Variants in FAM193A observed in about 807,000 individuals in gnomAD.
FAM193A encodes the protein family with sequence similarity 193 member A.
FAM193A carries 22 observed loss-of-function variants against 126.5 expected under a neutral mutation model. The ratio of observed to expected loss-of-function variants is 0.17; its 90% confidence interval spans 0.12 to 0.25. The LOEUF (loss-of-function observed/expected upper bound fraction) is 0.25, where lower values mean the gene tolerates loss of function less well. Among genes scored for constraint, FAM193A ranks in the 10% least tolerant of loss-of-function variants. The pLI is 1.00. For synonymous variants in FAM193A, 761 were observed against 646.8 expected (o/e 1.18, Z -2.68); for missense variants, 1,675 against 1,672.8 (o/e 1.00, Z -0.02).
chr4:2,579,520 A>C (rs1220584753), intron 1 of FAM193A, among the ~76,000 whole-genome samples: 2 of 152,106 alleles, frequency 1.3e-5, no homozygotes, highest in Non-Finnish European at 2.9e-5. Flanking sequence ...CAACATAACA[A>C]GGTCCTTTCT....
At chr4:2,583,460 G>A (rs1445944195) in intron 1 of FAM193A, among the ~76,000 whole-genome samples, 1 of 152,026 alleles carries the variant, frequency 6.6e-6, no homozygotes, top group East Asian at 1.9e-4. Context: ...TTTTGTTTCT[G>A]AGTGGAGATT....
Position 2,699,436 on chromosome 4 carries a change from ACC to A in FAM193A, c.3508-234_3508-233del, listed in dbSNP as rs111815931. ...TATCGGGAATTTTTTGTTAACTACC[ACC>A]CCCCCCCCCACACACACACACACAA... is the stretch of plus-strand genomic sequence containing the variant. On this transcript the variant is annotated intron_variant, in intron 18 of 20. Coordinates refer to ENST00000637812, the MANE Select transcript of FAM193A (RefSeq NM_001366318.2). 1.0e-3 allele frequency among the ~76,000 whole-genome samples: 64 copies of A among 61,092 alleles called. 4 individuals are homozygous for A. Among genetic ancestry groups the A allele is most frequent in the African/African-American group, 3.2e-3 (61 of 19,350 alleles). The allele number at this position is 61,092 out of a possible 152,430, so 40.1% of individuals were successfully genotyped here. A position where few individuals can be genotyped will look rare whatever the true frequency, so the allele number is the denominator to read the frequency against.
intron 1 of FAM193A, among the ~76,000 whole-genome samples, chr4:2,547,800 G>GAGATGGCTAA (rs1237087412): frequency 2.6e-5 from 4 of 151,058 alleles, no homozygotes; most frequent in Admixed American, 2.0e-4. Flanking sequence ...TAATTTTGTA[G>GAGATGGCTAA]TTTCAGTAGA....
intron 2 of FAM193A, among the ~76,000 whole-genome samples, chr4:2,614,847 G>T (rs1167946894): frequency 6.6e-6 from 1 of 152,098 alleles, no homozygotes; most frequent in Non-Finnish European, 1.5e-5. Flanking sequence ...AAGGAAATTT[G>T]CCCATTTTAT....
chr4:2,617,194 AAAAG>A (rs1445190106), intron 2 of FAM193A, among the ~76,000 whole-genome samples: 1 of 135,258 alleles, frequency 7.4e-6, no homozygotes, highest in Non-Finnish European at 1.5e-5. Flanking sequence ...AAAAAAAAAA[AAAAG>A]AATATTTTTT....
chr4:2,631,278 A>C, intron 5 of FAM193A, 109 bp downstream of exon 5: 2 of 916,768 alleles, frequency 2.2e-6, no homozygotes, highest in Non-Finnish European at 3.3e-6. Flanking sequence ...ACACCCCCAC[A>C]CACTGTGATA....
chr4:2,576,159 C>T (rs879649775), intron 1 of FAM193A, among the ~76,000 whole-genome samples: 38 of 152,130 alleles, frequency 2.5e-4, no homozygotes, highest in Admixed American at 1.2e-3. Flanking sequence ...TGCAGTGGCA[C>T]GATCTCGGCT....
At chr4:2,697,138 C>A (rs4690088) in intron 18 of FAM193A, among the ~76,000 whole-genome samples, 1 of 151,860 alleles carries the variant, frequency 6.6e-6, no homozygotes, top group Non-Finnish European at 1.5e-5. Flanking sequence ...CATGGGAAGA[C>A]ATGAGCAGTT....
chr4:2,684,799 G>A (rs981587593), intron 13 of FAM193A, among the ~76,000 whole-genome samples: 6 of 152,166 alleles, frequency 3.9e-5, no homozygotes, highest in Admixed American at 6.5e-5. Flanking sequence ...TGCCTTTGTC[G>A]ATAGCAGTTG....
chr4:2,570,592 T>C (rs1191310980), intron 1 of FAM193A, among the ~76,000 whole-genome samples: 1 of 152,126 alleles, frequency 6.6e-6, no homozygotes, highest in Non-Finnish European at 1.5e-5. Context: ...TAGCCTGCTC[T>C]CTTGACTGGA....
chr4:2,619,881 G>A (rs1742437924), intron 2 of FAM193A, among the ~76,000 whole-genome samples: 1 of 151,974 alleles, frequency 6.6e-6, no homozygotes, highest in African/African-American at 2.4e-5. Flanking sequence ...AGTAGAGTTG[G>A]GATTTTGCCA....
At chr4:2,611,261 CTATT>C (rs527253867) in intron 2 of FAM193A, among the ~76,000 whole-genome samples, 60 of 151,418 alleles carry the variant, frequency 4.0e-4, no homozygotes, top group Non-Finnish European at 6.8e-4. Context: ...TCTGCATTTT[CTATT>C]TATTTATTTA....
chr4:2,549,946 C>G (rs1299014829), intron 1 of FAM193A, among the ~76,000 whole-genome samples: 1 of 151,298 alleles, frequency 6.6e-6, no homozygotes, highest in Non-Finnish European at 1.5e-5. Context: ...CCAGGCTGAT[C>G]TCGAACTCCT....
At chr4:2,546,143 G>A (rs915375728) in intron 1 of FAM193A, among the ~76,000 whole-genome samples, 11 of 149,234 alleles carry the variant, frequency 7.4e-5, no homozygotes, top group East Asian at 2.0e-4. Flanking sequence ...GCAAGACTCC[G>A]CCTCAAAAAA....
Position 2,663,245 on chromosome 4 carries a change from A to C in FAM193A, c.2036A>C (p.Glu679Ala). The C allele has an allele frequency of 6.2e-7, 1 of 1,612,626 alleles. No individual in the cohort carries two copies. Among genetic ancestry groups the C allele is most frequent in the Non-Finnish European group, 8.5e-7 (1 of 1,179,510 alleles). ...GGAAGCAGGAGCCCCAGGACAGAGG[A>C]GAGCAAAGCAGACAGTCCACCCCCA... Reference protein sequence around the residue: ...VLGSRSPRTEESKADSPPPSY... With the variant: ...VLGSRSPRTEASKADSPPPSY... The change falls in exon 12 of 21, where the codon GAG (glutamate) becomes GCG (alanine). Residue 679 changes from glutamate (E) to alanine (A), a missense_variant. By Grantham distance (107) the Glu-to-Ala change is moderately radical (BLOSUM62 -1). Coordinates refer to ENST00000637812, the MANE Select transcript of FAM193A (RefSeq NM_001366318.2).
intron 1 of FAM193A, among the ~76,000 whole-genome samples, chr4:2,541,803 CT>C (rs1408194067): frequency 6.6e-6 from 1 of 151,862 alleles, no homozygotes; most frequent in African/African-American, 2.4e-5. Flanking sequence ...GTATTTTAAG[CT>C]TTTAAAATAT....
chr4:2,581,255 C>CTTT (rs34915273), intron 1 of FAM193A, among the ~76,000 whole-genome samples: 1 of 135,914 alleles, frequency 7.4e-6, no homozygotes, highest in Non-Finnish European at 1.6e-5. Flanking sequence ...TTCTTTCTTT[C>CTTT]TTTTTTTTTT....
intron 18 of FAM193A, among the ~76,000 whole-genome samples, chr4:2,697,732 T>A (rs1018758263): frequency 6.6e-6 from 1 of 152,224 alleles, no homozygotes; most frequent in African/African-American, 2.4e-5. Flanking sequence ...TTAGACTGAC[T>A]ATTGGGCCTG....
At chr4:2,689,266 T>C (rs987529028) in intron 13 of FAM193A, among the ~76,000 whole-genome samples, 1 of 152,236 alleles carries the variant, frequency 6.6e-6, no homozygotes, top group East Asian at 1.9e-4. Context: ...TTTGTTCAGA[T>C]ATACTCCTCA....
Sources: gnomAD v4.1 joint callset for allele counts (sites outside exome capture counted in the v4.1 genomes callset) on GRCh38, gnomAD v4.1.1 for gene constraint, MANE v1.5 for transcripts, NCBI Gene and HGNC (gene_info 2026-07-23, HGNC 2026-07-21) for gene names.